Variants in BLTP1 observed in about 807,000 individuals in gnomAD.
The protein encoded by BLTP1 is bridge-like lipid transfer protein family member 1.
At chr4:122,172,818 ATAAAG>A in the BLTP1 span, among the ~76,000 whole-genome samples, 16 of 152,218 alleles carry the variant, frequency 1.1e-4, no homozygotes, top group African/African-American at 2.9e-4. Context: ...CAAAGCAGTG[ATAAAG>A]TAAACAGAAA....
the BLTP1 span, chr4:122,154,480 G>A: frequency 1.0e-6 from 1 of 985,316 alleles, no homozygotes; most frequent in South Asian, 4.7e-5. Context: ...GCATTGGCAG[G>A]AGAAAGCAGG....
At chr4:122,359,633 T>C in the BLTP1 span, 1 of 1,612,936 alleles carries the variant, frequency 6.2e-7, no homozygotes, top group East Asian at 2.2e-5. Context: ...ACAATTCCTC[T>C]GATAAAGATA....
the BLTP1 span, chr4:122,258,594 A>G: frequency 7.4e-7 from 1 of 1,360,024 alleles, no homozygotes; most frequent in Non-Finnish European, 9.8e-7. Context: ...ATATTTGTCA[A>G]GGAATATGAA....
chr4:122,355,773 T>C, the BLTP1 span: 2 of 1,565,160 alleles, frequency 1.3e-6, no homozygotes, highest in East Asian at 2.3e-5. Flanking sequence ...AATTTGACTC[T>C]CTCTTTATCA....
the BLTP1 span, chr4:122,349,990 C>T: frequency 6.2e-7 from 1 of 1,613,820 alleles, no homozygotes; most frequent in Non-Finnish European, 8.5e-7. This position sits in a 1 kb window ranked among gnomAD's most constrained non-coding sequence, Gnocchi z 4.5. Flanking sequence ...TACCAGCAAA[C>T]GAGCTCTGTC....
the BLTP1 span, chr4:122,327,948 G>T: frequency 6.3e-6 from 3 of 473,736 alleles, no homozygotes; most frequent in African/African-American, 6.1e-5. Context: ...TCCTTCCTTG[G>T]TGTACTATTT....
At chr4:122,289,513 C>G in the BLTP1 span, 1 of 984,202 alleles carries the variant, frequency 1.0e-6, no homozygotes, top group Non-Finnish European at 1.2e-6. Context: ...TAGGTAACTA[C>G]TAAGATTTCA....
chr4:122,200,967 A>G, the BLTP1 span: 2 of 1,595,332 alleles, frequency 1.3e-6, no homozygotes, highest in East Asian at 2.2e-5. Context: ...ACAGTGTCAC[A>G]TTTTAAGCCT....
chr4:122,252,834 G>A, the BLTP1 span, among the ~76,000 whole-genome samples: 1 of 152,098 alleles, frequency 6.6e-6, no homozygotes. Context: ...GTGGTTACAG[G>A]GGGCCCTGGG....
chr4:122,289,806 GATTA>G, the BLTP1 span: 2 of 982,176 alleles, frequency 2.0e-6, no homozygotes, highest in Non-Finnish European at 2.4e-6. Context: ...TATGCTCATG[GATTA>G]ATTCATTCAT....
chr4:122,203,130 A>T, the BLTP1 span, among the ~76,000 whole-genome samples: 2 of 151,966 alleles, frequency 1.3e-5, no homozygotes, highest in African/African-American at 4.8e-5. Context: ...TAGTGTTTGG[A>T]TTGCTTTGTC....
the BLTP1 span, chr4:122,258,709 A>G: frequency 6.2e-7 from 1 of 1,613,406 alleles, no homozygotes; most frequent in Non-Finnish European, 8.5e-7. Flanking sequence ...AGCCACAGTC[A>G]GTGAACACAC....
chr4:122,272,436 G>A, the BLTP1 span: 1 of 1,543,710 alleles, frequency 6.5e-7, no homozygotes, highest in Non-Finnish European at 8.9e-7. Flanking sequence ...AAAGTGCTAT[G>A]TATACATAAT....
the BLTP1 span, among the ~76,000 whole-genome samples, chr4:122,334,908 T>C: frequency 6.6e-6 from 1 of 152,082 alleles, no homozygotes; most frequent in Non-Finnish European, 1.5e-5. Flanking sequence ...TTATTACTTC[T>C]CTGTTGTATA....
At chr4:122,321,935 CTT>C in the BLTP1 span, among the ~76,000 whole-genome samples, 5 of 40,924 alleles carry the variant, frequency 1.2e-4, no homozygotes, top group Admixed American at 2.1e-4. Flanking sequence ...TTTTCATTAT[CTT>C]TTTTTTTTTT....
the BLTP1 span, chr4:122,310,918 G>A: frequency 1.1e-6 from 1 of 943,050 alleles, no homozygotes. Context: ...CAAAAGACCA[G>A]TATCAGCCTA....
the BLTP1 span, chr4:122,225,870 G>A: frequency 6.6e-6 from 1 of 152,038 alleles, no homozygotes; most frequent in African/African-American, 2.4e-5. Context: ...TGTTCCCTAC[G>A]AAGGGAATAA....
At chr4:122,307,902 C>T in the BLTP1 span, 1 of 1,588,390 alleles carries the variant, frequency 6.3e-7, no homozygotes. Flanking sequence ...TATAGATTTA[C>T]AGTGTTGATT....
the BLTP1 span, chr4:122,162,483 G>A: frequency 5.1e-6 from 5 of 984,316 alleles, no homozygotes; most frequent in Non-Finnish European, 6.0e-6. Flanking sequence ...TCACAGATGG[G>A]AATTGGGAAA....
Sources: allele counts gnomAD v4.1 joint callset (sites outside exome capture counted in the v4.1 genomes callset), GRCh38; gene constraint gnomAD v4.1.1; non-coding constraint Gnocchi (gnomAD v3.1); transcripts MANE v1.5; gene names NCBI Gene and HGNC (gene_info 2026-07-23, HGNC 2026-07-21).